Variants in CHID1 observed in about 807,000 individuals in gnomAD.
The protein encoded by CHID1 is chitinase domain-containing protein 1.
A neutral mutation model predicts 55.4 loss-of-function variants in CHID1; 44 were observed. The observed-to-expected ratio is 0.79, with a 90% CI of 0.62 to 1.02. CHID1 has a LOEUF of 1.02. CHID1 is among the 50% of genes least tolerant of loss of function. The pLI is 0.00. For synonymous variants in CHID1, 216 were observed against 212.9 expected (o/e 1.01, Z -0.13); for missense variants, 491 against 515.3 (o/e 0.95, Z 0.46).
intron 3 of CHID1, 123 bp from the exon 4 acceptor site, chr11:902,453 G>A (rs1483210874): frequency 4.7e-6 from 5 of 1,065,524 alleles, no homozygotes; most frequent in East Asian, 2.4e-5. Context: ...ATACCAGCCC[G>A]GACTGACATC....
chr11:904,758 G>C lies in CHID1; in HGVS notation c.59C>G (p.Thr20Ser). 1 of 1,614,126 alleles carries C rather than the reference G, an allele frequency of 6.2e-7. No homozygotes were observed. Among genetic ancestry groups the C allele is most frequent in the Non-Finnish European group, 8.5e-7 (1 of 1,180,030 alleles). Reference protein sequence around the residue: ...LALACSPVHTTLSKSDAKKAA... With the variant: ...LALACSPVHTSLSKSDAKKAA... ...TTTTTTGGCATCTGACTTTGACAGG[G>C]TAGTGTGAACAGGGCTGCAGGCCAG... The change falls in exon 2 of 13, where the codon ACC becomes AGC. Residue 20 changes from threonine (T) to serine (S), a missense_variant. By Grantham distance (58) the Thr-to-Ser change is moderately conservative (BLOSUM62 1). Coordinates refer to ENST00000323578, the MANE Select transcript of CHID1 (RefSeq NM_023947.4).
intron 8 of CHID1, among the ~76,000 whole-genome samples, chr11:892,386 C>T (rs1850906568): frequency 6.6e-6 from 1 of 152,206 alleles, no homozygotes; most frequent in Non-Finnish European, 1.5e-5. Flanking sequence ...TGGGACAGGA[C>T]CCCCAACGCC....
At position 902,185 on chromosome 11, in the gene CHID1, G is replaced by A; in HGVS notation, c.394+13C>T. On this transcript the variant is annotated intron_variant, in intron 4 of 12. Transcript: ENST00000323578. ...CTGTGGGGCAAGCACAGTCAAGCAGGAAGGATGAGAACCTTGGTCCACGTC... is the reference window on the plus strand; with the variant it reads ...CTGTGGGGCAAGCACAGTCAAGCAGAAAGGATGAGAACCTTGGTCCACGTC... 6.2e-7 allele frequency: 1 copy of A among 1,613,490 alleles called. No homozygotes were observed. The highest frequency in any genetic ancestry group is 8.5e-7 in the Non-Finnish European group (1 of 1,179,688).
rs896147248 is a variant in CHID1 at position 868,448 on chromosome 11, C to T, written c.*1410G>A. On this transcript the variant is annotated 3_prime_UTR_variant, in exon 13 of 13. Coordinates refer to ENST00000323578, the MANE Select transcript of CHID1 (RefSeq NM_023947.4). ...TAGAGACGGGGTTTCACCATGTTGC[C>T]CAGCGTTCCTCCCGCCACGGCTTTC... is the stretch of plus-strand genomic sequence containing the variant. 4 of 152,108 alleles carry T rather than the reference C, an allele frequency of 2.6e-5. No individual in the cohort carries two copies. In the East Asian group the frequency reaches 5.8e-4, roughly 22 times the overall value. 9.4% of individuals were successfully genotyped at this position (152,108 alleles called of 1,614,324 possible). A position where few individuals can be genotyped will look rare whatever the true frequency, so the allele number is the denominator to read the frequency against.
At chr11:902,395 G>A (rs1315154352) in intron 3 of CHID1, 65 bp from the exon 4 acceptor site, 5 of 1,569,528 alleles carry the variant, frequency 3.2e-6, no homozygotes, top group Non-Finnish European at 4.4e-6. Context: ...CCATGGTGCT[G>A]TCATTCTGGC....
At chr11:904,910 A>G (rs2134348851) in intron 1 of CHID1, 51 bp from the exon 2 acceptor site, 3 of 1,592,280 alleles carry the variant, frequency 1.9e-6, no homozygotes, top group South Asian at 1.1e-5. Flanking sequence ...AATGCAGCAC[A>G]TGGGCAACCC....
rs371695775 is a variant in CHID1, at chr11:902,934, C to T, written c.261+28G>A. ...CAGCCCACCTGAGCCTCAGGACCTC[C>T]CTCTGCACTGTGAGGGCCCCAACTT... On this transcript the variant is annotated intron_variant, in intron 3 of 12. Transcript: ENST00000323578. 48 of 1,607,612 alleles carry T rather than the reference C, an allele frequency of 3.0e-5. No homozygotes were observed. The African/African-American group carries it at 5.5e-4, about 18-fold the overall frequency.
chr11:870,554 C>G, intron 10 of CHID1, 55 bp from the exon 11 acceptor site: 1 of 1,267,316 alleles, frequency 7.9e-7, no homozygotes, highest in Non-Finnish European at 1.1e-6. Context: ...CACAGCCCCA[C>G]CCTGTACCCC....
At chr11:892,251 C>T (rs527959871) in intron 8 of CHID1, among the ~76,000 whole-genome samples, 14 of 152,228 alleles carry the variant, frequency 9.2e-5, no homozygotes, top group South Asian at 2.1e-4. Flanking sequence ...GCAGAACTGC[C>T]GAGGCACAGC....
intron 1 of CHID1, among the ~76,000 whole-genome samples, chr11:907,423 G>A (rs1852320005): frequency 6.6e-6 from 1 of 152,088 alleles, no homozygotes; most frequent in South Asian, 2.1e-4. Context: ...GGAGTTCGCA[G>A]TGAGCCGAGA....
chr11:900,158 G>C, intron 5 of CHID1, 48 bp from the exon 6 acceptor site: 1 of 1,466,920 alleles, frequency 6.8e-7, no homozygotes, highest in Non-Finnish European at 9.5e-7. Flanking sequence ...GGAGATGCTG[G>C]AGGGCCCCTG....
At chr11:878,307 G>C (rs571812331) in intron 10 of CHID1, among the ~76,000 whole-genome samples, 8 of 152,172 alleles carry the variant, frequency 5.3e-5, no homozygotes, top group Non-Finnish European at 1.2e-4. Flanking sequence ...CCAGCTACTC[G>C]GGAGGCTGAG....
upstream of CHID1, among the ~76,000 whole-genome samples, chr11:911,695 G>A (rs1011110338): frequency 2.0e-5 from 3 of 152,130 alleles, no homozygotes; most frequent in African/African-American, 7.2e-5. Context: ...TCCCTTCCCG[G>A]TATTTTCTGC....
At chr11:914,868 T>G, upstream of CHID1, 1 of 327,102 alleles carries the variant, frequency 3.1e-6, no homozygotes, top group Non-Finnish European at 6.0e-6. Flanking sequence ...ATTTGCAGAG[T>G]CAGCACAGGC....
chr11:912,803 A>T (rs993087416), upstream of CHID1, among the ~76,000 whole-genome samples: 1 of 150,006 alleles, frequency 6.7e-6, no homozygotes, highest in African/African-American at 2.5e-5. Flanking sequence ...AAGCCATTGC[A>T]CTCCAGCCTG....
At chr11:896,914 CA>C (rs1476707999) in intron 7 of CHID1, among the ~76,000 whole-genome samples, 26 of 106,076 alleles carry the variant, frequency 2.5e-4, no homozygotes, top group South Asian at 4.5e-4. Flanking sequence ...GCCTCCACCC[CA>C]GACACGAGCC....
At chr11:898,654 A>G (rs970117555) in intron 7 of CHID1, among the ~76,000 whole-genome samples, 17 of 152,178 alleles carry the variant, frequency 1.1e-4, no homozygotes, top group Non-Finnish European at 1.8e-4. Context: ...AGGACCAAGG[A>G]AGGGCCATTC....
intron 7 of CHID1, among the ~76,000 whole-genome samples, chr11:895,444 G>A (rs1338546920): frequency 1.3e-5 from 2 of 152,138 alleles, no homozygotes; most frequent in East Asian, 1.9e-4. Context: ...CATGGGCCCC[G>A]GAGGCGACGT....
upstream of CHID1, chr11:914,678 G>A: frequency 1.7e-6 from 1 of 572,432 alleles, no homozygotes; most frequent in Non-Finnish European, 2.8e-6. Flanking sequence ...AGCTGTGATT[G>A]CACTGCTGCA....
Sources: allele counts gnomAD v4.1 joint callset (sites outside exome capture counted in the v4.1 genomes callset), GRCh38; gene constraint gnomAD v4.1.1; transcripts MANE v1.5; gene names NCBI Gene and HGNC (gene_info 2026-07-23, HGNC 2026-07-21).